The following SHANK2 variants were observed in gnomAD, a reference collection of about 807,000 sequenced individuals.
SHANK2 encodes the protein SH3 and multiple ankyrin repeat domains protein 2.
Under a neutral mutation model 133.7 loss-of-function variants are expected in SHANK2, and 43 were observed. That is an observed-to-expected ratio of 0.32 (90% CI 0.25 to 0.41). The LOEUF (loss-of-function observed/expected upper bound fraction) is 0.41, where lower values mean the gene tolerates loss of function less well. Ranked by LOEUF, SHANK2 falls within the 10% of genes least tolerant of loss-of-function variation. The pLI, the probability that SHANK2 is intolerant of heterozygous loss-of-function variation, is 1.00. For missense variants in SHANK2, 1,994 were observed against 2,235.8 expected, an observed-to-expected ratio of 0.89 and a Z score of 2.18; for synonymous variants, 1,017 against 952.8, an observed-to-expected ratio of 1.07 and a Z score of -1.24.
intron 11 of SHANK2, among the ~76,000 whole-genome samples, chr11:70,883,022 G>T (rs570419704): frequency 6.6e-6 from 1 of 152,288 alleles, no homozygotes; most frequent in Admixed American, 6.5e-5. Flanking sequence ...AGTGTTATGG[G>T]CAGCCTTAGC....
At chr11:70,646,832 T>TTTA (rs1565210635) in intron 17 of SHANK2, among the ~76,000 whole-genome samples, 3 of 92,476 alleles carry the variant, frequency 3.2e-5, no homozygotes, top group Non-Finnish European at 7.0e-5. Context: ...TTATTTATTT[T>TTTA]ATTTATTTAT....
chr11:70,665,664 G>A (rs1302851050), intron 15 of SHANK2, among the ~76,000 whole-genome samples: 1 of 152,190 alleles, frequency 6.6e-6, no homozygotes, highest in Non-Finnish European at 1.5e-5. Flanking sequence ...ACAGACATGG[G>A]TTTGAATTTC....
intron 3 of SHANK2, among the ~76,000 whole-genome samples, chr11:71,124,735 T>G (rs1952150838): frequency 1.3e-5 from 2 of 152,172 alleles, no homozygotes; most frequent in African/African-American, 4.8e-5. Context: ...ACACACCCAC[T>G]GCCAATCTTA....
At position 70,473,518 on chromosome 11, in the gene SHANK2, G is replaced by T; in HGVS notation, c.4980-79C>A. On this transcript the variant is annotated intron_variant, in intron 25 of 25. Transcript: ENST00000601538. This position sits in a 1 kb window ranked among gnomAD's most constrained non-coding sequence, Gnocchi z 5.9. ...AGCTGGCTGCAGATCACCCAGGAAG[G>T]CGAGGGAGACGCCCAAACCATGCCA... 6.9e-7 allele frequency: 1 copy of T among 1,440,104 alleles called. No individual in the cohort carries two copies. The highest frequency in any genetic ancestry group is 9.6e-7 in the Non-Finnish European group (1 of 1,041,374). 89.2% of individuals were successfully genotyped at this position (1,440,104 alleles called of 1,614,324 possible).
chr11:71,153,955 A>C (rs12274896), intron 2 of SHANK2, among the ~76,000 whole-genome samples: 1 of 151,930 alleles, frequency 6.6e-6, no homozygotes, highest in South Asian at 2.1e-4. Flanking sequence ...GGGCAACAGA[A>C]TGAGACTCTG....
At chr11:71,076,696 C>T (rs1162854270) in intron 8 of SHANK2, among the ~76,000 whole-genome samples, 1 of 152,186 alleles carries the variant, frequency 6.6e-6, no homozygotes, top group African/African-American at 2.4e-5. Context: ...CCTGCGTTTG[C>T]CTTTGGGGGC....
At chr11:70,896,422 T>G (rs1165240692) in intron 11 of SHANK2, 79 bp downstream of exon 11, 2 of 642,054 alleles carry the variant, frequency 3.1e-6, no homozygotes, top group Non-Finnish European at 5.8e-6. Context: ...AGGAGAATTT[T>G]AAAAAGCTGG....
intron 6 of SHANK2, among the ~76,000 whole-genome samples, chr11:71,108,529 A>G (rs114523962): frequency 4.7e-4 from 72 of 151,788 alleles, no homozygotes; most frequent in African/African-American, 1.7e-3. Context: ...AGATGTCCCT[A>G]CCAACACAAG....
chr11:70,471,150 T>C lies in SHANK2; in HGVS notation c.*1719A>G. Reference sequence around the variant, plus strand: ...CAGCCACTTTTTTTTCTTAAAATATTGTGCTTATAAACTATCTGTACAACT... The same window carrying C: ...CAGCCACTTTTTTTTCTTAAAATATCGTGCTTATAAACTATCTGTACAACT... On this transcript the variant is annotated 3_prime_UTR_variant, in exon 26 of 26. Coordinates refer to ENST00000601538, the MANE Select transcript of SHANK2 (RefSeq NM_012309.5). This position sits in a 1 kb window ranked among gnomAD's most constrained non-coding sequence, Gnocchi z 4.1. 2.5e-6 allele frequency: 1 copy of C among 398,284 alleles called. No homozygotes were observed. The highest frequency in any genetic ancestry group is 4.4e-6 in the Non-Finnish European group (1 of 225,882). The allele number at this position is 398,284 out of a possible 1,614,324, so 24.7% of individuals were successfully genotyped here. A position where few individuals can be genotyped will look rare whatever the true frequency, so the allele number is the denominator to read the frequency against.
intron 14 of SHANK2, among the ~76,000 whole-genome samples, chr11:70,752,856 G>A (rs1323419540): frequency 2.0e-5 from 3 of 152,166 alleles, no homozygotes; most frequent in African/African-American, 7.2e-5. Flanking sequence ...GCTCACACTT[G>A]TAATCTCAGT....
intron 10 of SHANK2, among the ~76,000 whole-genome samples, chr11:70,917,238 G>A (rs929501743): frequency 1.3e-5 from 2 of 152,248 alleles, no homozygotes; most frequent in Admixed American, 1.3e-4. Context: ...AGACATACAT[G>A]CAGCTAATAA....
intron 1 of SHANK2, among the ~76,000 whole-genome samples, chr11:71,244,532 G>T (rs1954936687): frequency 6.6e-6 from 1 of 152,160 alleles, no homozygotes; most frequent in Non-Finnish European, 1.5e-5. Context: ...ACTGAGATGG[G>T]AGCTGCTTTT....
intron 1 of SHANK2, among the ~76,000 whole-genome samples, chr11:71,229,076 G>A (rs1298260021): frequency 2.0e-5 from 3 of 152,106 alleles, no homozygotes; most frequent in African/African-American, 7.2e-5. Context: ...AACAAGATGG[G>A]AATTTCCCCC....
intron 17 of SHANK2, among the ~76,000 whole-genome samples, chr11:70,618,834 A>C (rs2060791673): frequency 1.3e-5 from 2 of 152,338 alleles, no homozygotes; most frequent in South Asian, 4.1e-4. Flanking sequence ...GAAACCACCC[A>C]AGGCTGGCTC....
intron 14 of SHANK2, among the ~76,000 whole-genome samples, chr11:70,760,683 G>A (rs1050924895): frequency 6.6e-6 from 1 of 152,202 alleles, no homozygotes; most frequent in African/African-American, 2.4e-5. Flanking sequence ...GGAGCGGCTC[G>A]GGAAGGCCCC....
At chr11:70,937,393 C>T (rs1555083606) in intron 10 of SHANK2, among the ~76,000 whole-genome samples, 2 of 152,220 alleles carry the variant, frequency 1.3e-5, no homozygotes, top group African/African-American at 2.4e-5. Flanking sequence ...GGAGGCTCCC[C>T]AGGACCTCGC....
At chr11:70,563,688 G>A (rs1055769659) in intron 17 of SHANK2, among the ~76,000 whole-genome samples, 1 of 151,916 alleles carries the variant, frequency 6.6e-6, no homozygotes, top group Non-Finnish European at 1.5e-5. Flanking sequence ...ACAGGTGCAT[G>A]CCACCACACC....
intron 14 of SHANK2, among the ~76,000 whole-genome samples, chr11:70,787,386 G>A (rs1389325080): frequency 8.5e-6 from 1 of 118,306 alleles, no homozygotes; most frequent in Non-Finnish European, 1.8e-5. Flanking sequence ...ACCACCACTA[G>A]GATCACCACT....
At chr11:70,490,214 G>A (rs782596154) in intron 23 of SHANK2, 62 bp downstream of exon 23, 2 of 1,379,268 alleles carry the variant, frequency 1.5e-6, no homozygotes, top group South Asian at 1.2e-5. Flanking sequence ...ATTCCTGAGG[G>A]GCCTAAGGCT....
Sources: gnomAD v4.1 joint callset for allele counts (sites outside exome capture counted in the v4.1 genomes callset) on GRCh38, gnomAD v4.1.1 for gene constraint, Gnocchi (gnomAD v3.1) non-coding constraint, MANE v1.5 for transcripts, NCBI Gene and HGNC (gene_info 2026-07-23, HGNC 2026-07-21) for gene names.